The following BCOR variants were observed in gnomAD, a reference collection of about 807,000 sequenced individuals.
BCOR encodes the protein BCL6 corepressor.
Under a neutral mutation model 86.7 loss-of-function variants are expected in BCOR, and 10 were observed. That is an observed-to-expected ratio of 0.12 (90% confidence interval 0.07 to 0.20). The LOEUF is 0.20. Ranked by LOEUF, BCOR falls within the 10% of genes least tolerant of loss-of-function variation. BCOR has a pLI of 1.00. For synonymous variants in BCOR, 611 were observed against 609.0 expected, an observed-to-expected ratio of 1.00 and a Z score of -0.05; for missense variants, 1,259 against 1,452.1, an observed-to-expected ratio of 0.87 and a Z score of 2.16.
rs1453985722 is a variant in BCOR, at chrX:40,063,766, C to G, written c.3689G>C (p.Gly1230Ala). The change falls in exon 8 of 15, where the codon GGC becomes GCC. Residue 1230 changes from glycine to alanine, a missense_variant. By Grantham distance (60) the Gly-to-Ala change is moderately conservative. This residue lies in a region of BCOR where 305 missense variants were observed against 286.1 expected (regional missense o/e 1.07). Transcript: ENST00000378444. The part of the protein sequence containing the change: ...QQVSAADGKP[G>A]RQSRKEVTQA... ...GGTCACTTCCTTCCTGCTTTGCCGG[C>G]CAGGTTTGCCATCTGCTGCCGACAC... 1.1e-5 allele frequency: 13 copies of G among 1,210,335 alleles called. No homozygotes were observed. Among genetic ancestry groups the G allele is most frequent in the African/African-American group, 1.7e-5 (1 of 57,187 alleles).
At chrX:40,095,939 A>G (rs1470840293) in intron 1 of BCOR, among the ~76,000 whole-genome samples, 1 of 112,090 alleles carries the variant, frequency 8.9e-6, no homozygotes, top group African/African-American at 3.2e-5. Context: ...GAGCGGCGGG[A>G]AGCCCGCCGG....
intron 1 of BCOR, among the ~76,000 whole-genome samples, chrX:40,151,457 GAT>G (rs1397601893): frequency 8.8e-6 from 1 of 113,067 alleles, no homozygotes; most frequent in Non-Finnish European, 1.9e-5. Context: ...CTGCCGGGAG[GAT>G]CCTCTGGCTA....
At chrX:40,070,303 C>G (rs1935408769) in intron 6 of BCOR, among the ~76,000 whole-genome samples, 1 of 112,314 alleles carries the variant, frequency 8.9e-6, no homozygotes, top group African/African-American at 3.2e-5. Context: ...CCACTTGCTG[C>G]CAACACATCT....
intron 1 of BCOR, among the ~76,000 whole-genome samples, chrX:40,089,645 C>T (rs1936510927): frequency 9.0e-6 from 1 of 111,547 alleles, no homozygotes; most frequent in Admixed American, 9.5e-5. Context: ...TCCCCTTTCC[C>T]TTCCTCCAGT....
At chrX:40,109,987 C>G (rs1460195962) in intron 1 of BCOR, among the ~76,000 whole-genome samples, 2 of 112,223 alleles carry the variant, frequency 1.8e-5, no homozygotes, top group Non-Finnish European at 3.8e-5. Flanking sequence ...GCCGGGTCCC[C>G]GGGCCCGTTC....
intron 1 of BCOR, among the ~76,000 whole-genome samples, chrX:40,089,577 C>T (rs1035616499): frequency 4.5e-5 from 5 of 110,804 alleles, no homozygotes; most frequent in Non-Finnish European, 7.6e-5. Flanking sequence ...CCCCCTACAT[C>T]CTACAAATCT....
At chrX:40,144,599 TA>T (rs1392032250) in intron 1 of BCOR, among the ~76,000 whole-genome samples, 1 of 112,353 alleles carries the variant, frequency 8.9e-6, no homozygotes, top group Non-Finnish European at 1.9e-5. Flanking sequence ...CCATCTTTCT[TA>T]TTTGTTTTAT....
intron 1 of BCOR, among the ~76,000 whole-genome samples, chrX:40,139,420 A>T (rs1937791548): frequency 9.9e-5 from 1 of 10,132 alleles, no homozygotes; most frequent in African/African-American, 6.0e-4. Context: ...TATATAATAT[A>T]TATACATATA....
chrX:40,138,014 G>T (rs1937722680), intron 1 of BCOR, among the ~76,000 whole-genome samples: 2 of 110,744 alleles, frequency 1.8e-5, no homozygotes, highest in East Asian at 5.7e-4. Context: ...GTGCAATGGC[G>T]CTATCTTGGC....
chrX:40,052,626 G>A (rs748540071), intron 14 of BCOR, among the ~76,000 whole-genome samples: 7 of 94,286 alleles, frequency 7.4e-5, no homozygotes, highest in South Asian at 6.2e-4. Context: ...GTGCAGTGGC[G>A]CGATCTCAGC....
intron 1 of BCOR, among the ~76,000 whole-genome samples, chrX:40,149,102 G>A (rs1938119275): frequency 9.2e-6 from 1 of 108,427 alleles, no homozygotes; most frequent in Non-Finnish European, 1.9e-5. Flanking sequence ...GGAGCTGTTA[G>A]TGCCTGGCTG....
intron 1 of BCOR, among the ~76,000 whole-genome samples, chrX:40,134,076 C>T (rs1937635798): frequency 9.3e-6 from 1 of 107,756 alleles, no homozygotes; most frequent in South Asian, 4.1e-4. Context: ...GGGCCTGGAG[C>T]TGGGAGTCAG....
chrX:40,156,265 C>G (rs184732980), intron 1 of BCOR, among the ~76,000 whole-genome samples: 1 of 112,934 alleles, frequency 8.9e-6, no homozygotes, highest in East Asian at 2.8e-4. Context: ...CCTGGCCGCA[C>G]GTGGCCTTTG....
chrX:40,113,406 C>CA (rs60280150), intron 1 of BCOR, among the ~76,000 whole-genome samples: 3,612 of 79,786 alleles, frequency 0.045, 141 homozygotes, highest in African/African-American at 0.12. Context: ...GACCATGTCT[C>CA]AAAAAAAAAA....
At position 40,052,197 on chromosome X, in the gene BCOR, A is replaced by G; in HGVS notation, c.5180T>C (p.Val1727Ala). The change falls in exon 15 of 15, where the codon GTG (valine) becomes GCG (alanine). Residue 1727 changes from valine to alanine, a missense_variant. By Grantham distance (64) the Val-to-Ala change is moderately conservative. Coordinates refer to ENST00000378444, the MANE Select transcript of BCOR (RefSeq NM_001123385.2). ...AGTCTGAATTTCGTTCGTGAATTCC[A>G]CCAGATCTAACAGCTCCTTACTTTC... ...NPESKELLDL[V>A]EFTNEIQTLL... The G allele has an allele frequency of 8.3e-7, 1 of 1,211,330 alleles. No homozygotes were observed. The highest frequency in any genetic ancestry group is 3.0e-5 in the East Asian group (1 of 33,849).
intron 6 of BCOR, 148 bp downstream of exon 6, chrX:40,070,825 A>G: frequency 1.8e-6 from 1 of 552,584 alleles, no homozygotes; most frequent in South Asian, 2.6e-5. Context: ...CCAGGAAACT[A>G]TCTTTCACAG....
chrX:40,099,242 G>A (rs1464775557), upstream of BCOR, among the ~76,000 whole-genome samples: 1 of 112,367 alleles, frequency 8.9e-6, no homozygotes, highest in Non-Finnish European at 1.9e-5. Context: ...GGGAGGGAGG[G>A]GGAAGCGGAG....
At chrX:40,100,573 T>C (rs1364260344), upstream of BCOR, among the ~76,000 whole-genome samples, 1 of 111,024 alleles carries the variant, frequency 9.0e-6, no homozygotes, top group Non-Finnish European at 1.9e-5. Context: ...TTTGTCTAAC[T>C]TTAAAAGTCC....
In BCOR at chrX:40,091,758, G is replaced by A. The variant is rs192407007; in HGVS notation, c.-41+5457C>T. ...GAGACCATTTACTCCCGCCCCGGCGGCTTCTCCTGGCTCTACCACCTAGGC... is the reference window on the plus strand; with the variant it reads ...GAGACCATTTACTCCCGCCCCGGCGACTTCTCCTGGCTCTACCACCTAGGC... On this transcript the variant is annotated intron_variant, in intron 1 of 14. Transcript: ENST00000378444. Among the ~76,000 whole-genome samples, 652 of 112,868 alleles carry A rather than the reference G, an allele frequency of 5.8e-3. 5 individuals carry two copies. The highest frequency in any genetic ancestry group is 0.02 in the African/African-American group (621 of 31,171).
Sources: allele counts gnomAD v4.1 joint callset (sites outside exome capture counted in the v4.1 genomes callset), GRCh38; gene constraint gnomAD v4.1.1; regional missense constraint gnomAD v4.1.1; transcripts MANE v1.5; gene names NCBI Gene and HGNC (gene_info 2026-07-23, HGNC 2026-07-21).